The following ADAMTS2 variants were observed in gnomAD, a reference collection of about 807,000 sequenced individuals.
The protein encoded by ADAMTS2 is A disintegrin and metalloproteinase with thrombospondin motifs 2.
Under a neutral mutation model 123.0 loss-of-function variants are expected in ADAMTS2, and 50 were observed. The observed-to-expected ratio is 0.41, with a 90% CI of 0.32 to 0.51. The LOEUF is 0.51. Among genes scored for constraint, ADAMTS2 ranks in the 20% least tolerant of loss-of-function variants. The pLI, the probability that ADAMTS2 is intolerant of heterozygous loss-of-function variation, is 0.35. For synonymous variants in ADAMTS2, 678 were observed against 695.4 expected, an observed-to-expected ratio of 0.98 and a Z score of 0.39; for missense variants, 1,494 against 1,705.2, an observed-to-expected ratio of 0.88 and a Z score of 2.18.
At chr5:179,282,992 G>A (rs1359445389) in intron 2 of ADAMTS2, among the ~76,000 whole-genome samples, 4 of 152,122 alleles carry the variant, frequency 2.6e-5, no homozygotes, top group African/African-American at 9.7e-5. Context: ...TGCACAGAGG[G>A]ATGGCTTCAA....
At chr5:179,119,240 T>C (rs1449351967) in intron 21 of ADAMTS2, among the ~76,000 whole-genome samples, 1 of 152,216 alleles carries the variant, frequency 6.6e-6, no homozygotes, top group Non-Finnish European at 1.5e-5. Flanking sequence ...TTGCTTTTGA[T>C]GATCAATGAT....
chr5:179,336,952 A>G (rs2127461144), intron 2 of ADAMTS2, among the ~76,000 whole-genome samples: 1 of 152,278 alleles, frequency 6.6e-6, no homozygotes, highest in East Asian at 1.9e-4. Flanking sequence ...CCTGGACACT[A>G]GGGTTCCCTG....
Position 179,115,224 on chromosome 5 carries a change from C to T in ADAMTS2, c.3179-900G>A, listed in dbSNP as rs541583288. Among the ~76,000 whole-genome samples, 1 of 152,296 alleles carries T rather than the reference C, an allele frequency of 6.6e-6. No homozygotes were observed. Among genetic ancestry groups the T allele is most frequent in the East Asian group, 1.9e-4 (1 of 5,170 alleles). The stretch of plus-strand genomic sequence containing the variant: ...CCCAGCCATCTTCTCCCTGGCCCAT[C>T]TCGACCTCTGTCTGCGGCTATGTTC... On this transcript the variant is annotated intron_variant, in intron 21 of 21. Transcript: ENST00000251582. The surrounding 1 kb of genome is among the most constrained non-coding windows in gnomAD (Gnocchi z 4.4).
intron 2 of ADAMTS2, among the ~76,000 whole-genome samples, chr5:179,337,910 C>A (rs1039070687): frequency 1.3e-5 from 2 of 151,304 alleles, no homozygotes; most frequent in African/African-American, 2.4e-5. Flanking sequence ...CCCCTATGAG[C>A]CTCACAGCAG....
rs1763059235 is a variant in ADAMTS2, at chr5:179,135,908, C to A, written c.2085+1G>T. The A allele has an allele frequency of 2.5e-6, 4 of 1,612,972 alleles. No individual in the cohort carries two copies. Among genetic ancestry groups the A allele is most frequent in the African/African-American group, 1.3e-5 (1 of 74,926 alleles). On this transcript the variant is annotated splice_donor_variant, in intron 13 of 21. Coordinates refer to ENST00000251582, the MANE Select transcript of ADAMTS2 (RefSeq NM_014244.5). LOFTEE classifies it high-confidence loss of function. ...CCCCGTGCCGGCCTCTGTGTACTCA[C>A]CCTGCAGTCCCCGCGCACACAGAGG...
At chr5:179,320,398 C>G (rs1757132603) in intron 2 of ADAMTS2, among the ~76,000 whole-genome samples, 2 of 152,220 alleles carry the variant, frequency 1.3e-5, no homozygotes, top group African/African-American at 4.8e-5. Context: ...AGCTCCACCT[C>G]CTGGGTTCAC....
intron 3 of ADAMTS2, among the ~76,000 whole-genome samples, chr5:179,211,254 C>T (rs1443623318): frequency 6.6e-6 from 1 of 152,228 alleles, no homozygotes; most frequent in Non-Finnish European, 1.5e-5. Context: ...GCACTCACCC[C>T]GCCTGGATGA....
rs1243516931 is a variant in ADAMTS2, at chr5:179,117,504, C to T, written c.3179-3180G>A. Among the ~76,000 whole-genome samples the T allele has an allele frequency of 1.3e-5, 2 of 152,154 alleles. No individual in the cohort carries two copies. The highest frequency in any genetic ancestry group is 2.4e-5 in the African/African-American group (1 of 41,436). ...GGCTAGTGTGCCAAGTCCCTCCCTCCACCTGGTTTTGTAAATAAAGTTTTA... is the reference window on the plus strand; with the variant it reads ...GGCTAGTGTGCCAAGTCCCTCCCTCTACCTGGTTTTGTAAATAAAGTTTTA... On this transcript the variant is annotated intron_variant, in intron 21 of 21. Transcript: ENST00000251582. This position sits in a 1 kb window ranked among gnomAD's most constrained non-coding sequence, Gnocchi z 4.2.
chr5:179,299,304 C>A (rs71596417), intron 2 of ADAMTS2, among the ~76,000 whole-genome samples: 1 of 69,396 alleles, frequency 1.4e-5, no homozygotes, highest in Non-Finnish European at 3.1e-5. Context: ...CTGAGGCGGG[C>A]GGATCACGAG....
intron 4 of ADAMTS2, among the ~76,000 whole-genome samples, chr5:179,205,425 C>T (rs1182567803): frequency 1.3e-5 from 2 of 152,226 alleles, no homozygotes; most frequent in Non-Finnish European, 2.9e-5. Context: ...CACATCAACC[C>T]CCACGATGAA....
chr5:179,157,330 T>TC (rs1763492888), intron 6 of ADAMTS2, among the ~76,000 whole-genome samples: 1 of 152,086 alleles, frequency 6.6e-6, no homozygotes, highest in African/African-American at 2.4e-5. Flanking sequence ...ATAGCTCTGC[T>TC]CCCCATTAGT....
At position 179,125,043 on chromosome 5, in the gene ADAMTS2, C is replaced by T. The variant is rs571385990; in HGVS notation, c.2888G>A (p.Arg963Gln). Residue 963 changes from arginine to glutamine, a missense_variant, in exon 19 of 22, where the codon CGG becomes CAG. By Grantham distance (43) the Arg-to-Gln change is conservative. This residue lies in a region of ADAMTS2 where 953 missense variants were observed against 1,124.7 expected (regional missense o/e 0.85). Coordinates refer to ENST00000251582, the MANE Select transcript of ADAMTS2 (RefSeq NM_014244.5). ...SVHAKHCNDA[R>Q]PESRRACSRE... ...GCTGCAGGCCCGGCGGCTCTCGGGC[C>T]GGGCGTCATTGCAGTGCTTGGCGTG... 11 of 1,608,528 alleles carry T rather than the reference C, an allele frequency of 6.8e-6. No individual in the cohort carries two copies. The highest frequency in any genetic ancestry group is 3.3e-5 in the South Asian group (3 of 90,448).
At chr5:179,327,438 G>T (rs1757345502) in intron 2 of ADAMTS2, among the ~76,000 whole-genome samples, 1 of 152,098 alleles carries the variant, frequency 6.6e-6, no homozygotes, top group Non-Finnish European at 1.5e-5. Flanking sequence ...CAGTTTTCCT[G>T]CCAGCCTGCA....
intron 2 of ADAMTS2, among the ~76,000 whole-genome samples, chr5:179,280,164 C>G (rs144682378): frequency 2.6e-5 from 4 of 152,258 alleles, no homozygotes; most frequent in South Asian, 4.1e-4. Context: ...TCAGGCCCTA[C>G]AGACCTTTAC....
chr5:179,173,855 T>C (rs1244737564), intron 5 of ADAMTS2, among the ~76,000 whole-genome samples: 1 of 151,762 alleles, frequency 6.6e-6, no homozygotes, highest in Non-Finnish European at 1.5e-5. Flanking sequence ...CTACTAAAAA[T>C]ACAAAAAATT....
chr5:179,236,938 G>T (rs990120702), intron 3 of ADAMTS2, among the ~76,000 whole-genome samples: 21 of 152,136 alleles, frequency 1.4e-4, no homozygotes, highest in Non-Finnish European at 2.5e-4. Context: ...GGGGCCTCAT[G>T]AATGGGATTA....
chr5:179,153,143 G>A (rs1351820229), intron 9 of ADAMTS2, among the ~76,000 whole-genome samples: 1 of 151,952 alleles, frequency 6.6e-6, no homozygotes, highest in East Asian at 1.9e-4. Context: ...TGCGTCCGTG[G>A]CCCTCCCTTC....
Position 179,234,884 on chromosome 5 carries a change from C to T in ADAMTS2, c.689-27169G>A, listed in dbSNP as rs1474819992. ...AAAATCCTCTGTACCTCCCTCTTCC[C>T]AAGCCTAGCAGACCCGTGCGGGAGT... On this transcript the variant is annotated intron_variant, in intron 3 of 21. Coordinates refer to ENST00000251582, the MANE Select transcript of ADAMTS2 (RefSeq NM_014244.5). This position sits in a 1 kb window ranked among gnomAD's most constrained non-coding sequence, Gnocchi z 4.7. Among the ~76,000 whole-genome samples the T allele has an allele frequency of 6.6e-6, 1 of 152,186 alleles. No individual in the cohort carries two copies. The highest frequency in any genetic ancestry group is 1.5e-5 in the Non-Finnish European group (1 of 68,044).
chr5:179,246,527 T>A (rs929526970), intron 3 of ADAMTS2, among the ~76,000 whole-genome samples: 2 of 152,188 alleles, frequency 1.3e-5, no homozygotes, highest in Admixed American at 6.5e-5. Flanking sequence ...AAAGCTCTTG[T>A]GCATACCAGA....
Sources: allele counts gnomAD v4.1 joint callset (sites outside exome capture counted in the v4.1 genomes callset), GRCh38; gene constraint gnomAD v4.1.1; regional missense constraint gnomAD v4.1.1; non-coding constraint Gnocchi (gnomAD v3.1); transcripts MANE v1.5; gene names NCBI Gene and HGNC (gene_info 2026-07-23, HGNC 2026-07-21).